SYNE2: variants seen among roughly 807,000 people sequenced by gnomAD.
SYNE2 encodes nesprin-2.
A neutral mutation model predicts 856.3 loss-of-function variants in SYNE2; 431 were observed. The observed-to-expected ratio is 0.50, with a 90% CI of 0.47 to 0.55. The LOEUF is 0.55. Among genes scored for constraint, SYNE2 ranks in the 20% least tolerant of loss-of-function variants. SYNE2 has a pLI of 0.00. For synonymous variants in SYNE2, 2,923 were observed against 2,872.3 expected (o/e 1.02, Z -0.56); for missense variants, 8,129 against 8,023.2 (o/e 1.01, Z -0.50).
intron 95 of SYNE2, 54 bp from the exon 96 acceptor site, chr14:64,177,304 C>T: frequency 6.2e-7 from 1 of 1,604,486 alleles, no homozygotes; most frequent in Non-Finnish European, 8.5e-7. Context: ...TCTATTTCTA[C>T]AATTCATTCT....
At position 64,219,285 on chromosome 14, in the gene SYNE2, C is replaced by G. The variant is rs2098683054; in HGVS notation, c.19735C>G (p.Leu6579Val). 2.5e-6 allele frequency: 4 copies of G among 1,613,840 alleles called. No individual in the cohort carries two copies. The highest frequency in any genetic ancestry group is 8.5e-7 in the Non-Finnish European group (1 of 1,180,020). Reference sequence around the variant, plus strand: ...CAAAATAAAACAAAATTTGCAACAGCTGAACTCTGATATCAGCGCCATCAC... The same window carrying G: ...CAAAATAAAACAAAATTTGCAACAGGTGAACTCTGATATCAGCGCCATCAC... ...KLKIKQNLQQ[L>V]NSDISAITTW... Residue 6579 changes from leucine (L) to valine (V), a missense_variant, in exon 110 of 116, where the codon CTG (leucine) becomes GTG (valine). Physicochemically the swap from Leu to Val is conservative, Grantham distance 32. Coordinates refer to ENST00000555002, the MANE Select transcript of SYNE2 (RefSeq NM_182914.3).
chr14:63,937,274 G>A (rs1192544881), intron 2 of SYNE2, among the ~76,000 whole-genome samples: 1 of 152,186 alleles, frequency 6.6e-6, no homozygotes, highest in African/African-American at 2.4e-5. Flanking sequence ...GCAGACAAAT[G>A]AAGCGATGGC....
At chr14:63,826,963 G>A (rs1157989084) in intron 1 of SYNE2, among the ~76,000 whole-genome samples, 1 of 152,078 alleles carries the variant, frequency 6.6e-6, no homozygotes, top group African/African-American at 2.4e-5. Context: ...CCTGATAAAT[G>A]TTTAGTATCC....
upstream of SYNE2, among the ~76,000 whole-genome samples, chr14:63,849,868 C>T (rs946036526): frequency 1.1e-4 from 16 of 152,214 alleles, no homozygotes; most frequent in Middle Eastern, 3.4e-3. Context: ...CAAGTATATG[C>T]GGAATGTCTA....
intron 8 of SYNE2, among the ~76,000 whole-genome samples, chr14:63,955,940 A>G (rs2096236617): frequency 6.6e-6 from 1 of 152,218 alleles, no homozygotes; most frequent in Non-Finnish European, 1.5e-5. Context: ...AATAAGAGGT[A>G]TATCAGAACT....
At chr14:64,161,843 C>T (rs1399077007) in intron 87 of SYNE2, among the ~76,000 whole-genome samples, 1 of 151,664 alleles carries the variant, frequency 6.6e-6, no homozygotes, top group African/African-American at 2.4e-5. Context: ...GCCAATCATA[C>T]ATTTTGTAGT....
rs1015343491 is a variant in SYNE2 at position 64,128,538 on chromosome 14, T to A, written c.14004T>A (p.Val4668=). ...QSLNEISGQS[V]AEQLQKADAY... Reference sequence around the variant, plus strand: ...TGAATGAAATCAGTGGGCAGAGTGTTGCTGAACAGCTTCAGGTAATCAAGT... The same window carrying A: ...TGAATGAAATCAGTGGGCAGAGTGTAGCTGAACAGCTTCAGGTAATCAAGT... The change falls in exon 74 of 116, where the codon GTT becomes GTA. Residue 4668 remains valine (V), a synonymous_variant. Coordinates refer to ENST00000555002, the MANE Select transcript of SYNE2 (RefSeq NM_182914.3). 6.2e-7 allele frequency: 1 copy of A among 1,605,848 alleles called. No homozygotes were observed. Among genetic ancestry groups the A allele is most frequent in the Admixed American group, 1.7e-5 (1 of 60,022 alleles).
chr14:63,798,358 T>C (rs148192575), intron 1 of SYNE2, among the ~76,000 whole-genome samples: 52 of 152,002 alleles, frequency 3.4e-4, no homozygotes, highest in African/African-American at 1.2e-3. Flanking sequence ...CTTTCTTGCA[T>C]ACGTCTTATC....
At chr14:64,100,526 AAAAAAATAT>A (rs2097714681) in intron 63 of SYNE2, among the ~76,000 whole-genome samples, 1 of 76,330 alleles carries the variant, frequency 1.3e-5, no homozygotes, top group Non-Finnish European at 2.3e-5. Flanking sequence ...AAAAAAAAAA[AAAAAAATAT>A]ATATATATAT....
Position 64,215,256 on chromosome 14 carries a change from A to G in SYNE2, c.19334-30A>G, listed in dbSNP as rs756633478. On this transcript the variant is annotated intron_variant, in intron 106 of 115. Coordinates refer to ENST00000555002, the MANE Select transcript of SYNE2 (RefSeq NM_182914.3). Reference sequence around the variant, plus strand: ...TGGGCATTAATCTTCAGGCACCTCCAGTGAGGCAAATGACATTGTTCTTTT... The same window carrying G: ...TGGGCATTAATCTTCAGGCACCTCCGGTGAGGCAAATGACATTGTTCTTTT... The G allele has an allele frequency of 7.5e-6, 12 of 1,608,264 alleles. No individual in the cohort carries two copies. The African/African-American group carries it at 1.5e-4, about 20-fold the overall frequency.
intron 59 of SYNE2, among the ~76,000 whole-genome samples, chr14:64,090,333 A>T (rs2097599708): frequency 6.6e-6 from 1 of 152,212 alleles, no homozygotes. Context: ...ATTATATGAG[A>T]TATGACTTAG....
rs374359856 is a variant in SYNE2 at position 64,125,816 on chromosome 14, A to G, written c.13555-511A>G. ...ATACACCTAAGCCTTGATTCTCACA[A>G]TCGGCTCATAAATGACACTTTCCCC... On this transcript the variant is annotated intron_variant, in intron 71 of 115. Coordinates refer to ENST00000555002, the MANE Select transcript of SYNE2 (RefSeq NM_182914.3). 1.8e-4 allele frequency among the ~76,000 whole-genome samples: 28 copies of G among 152,226 alleles called. 1 individual carries two copies. Among genetic ancestry groups the G allele is most frequent in the Middle Eastern group, 3.4e-3 (1 of 294 alleles).
rs187302642 is a variant in SYNE2, at chr14:64,199,990, C to T, written c.18039-2811C>T. Reference sequence around the variant, plus strand: ...AATTATTCCCCCACCTTCTCCATACCCCCTCTGCGTGTTGCACACCTAACC... The same window carrying T: ...AATTATTCCCCCACCTTCTCCATACTCCCTCTGCGTGTTGCACACCTAACC... On this transcript the variant is annotated intron_variant, in intron 99 of 115. Coordinates refer to ENST00000555002, the MANE Select transcript of SYNE2 (RefSeq NM_182914.3). 3.2e-3 allele frequency among the ~76,000 whole-genome samples: 488 copies of T among 151,916 alleles called. 12 individuals are homozygous for T. Among genetic ancestry groups the T allele is most frequent in the Non-Finnish European group, 1.1e-3 (76 of 67,950 alleles).
intron 1 of SYNE2, among the ~76,000 whole-genome samples, chr14:63,885,562 C>T (rs916574644): frequency 3.3e-5 from 5 of 152,162 alleles, no homozygotes; most frequent in African/African-American, 1.2e-4. Context: ...CCATTTAACT[C>T]CCAAATGGCC....
At chr14:63,899,460 C>T (rs1464263775) in intron 1 of SYNE2, among the ~76,000 whole-genome samples, 4 of 152,126 alleles carry the variant, frequency 2.6e-5, no homozygotes, top group Non-Finnish European at 5.9e-5. Flanking sequence ...CCTTGGCCTC[C>T]CAAAGTGCTG....
intron 1 of SYNE2, among the ~76,000 whole-genome samples, chr14:63,768,640 AG>A (rs1402411893): frequency 1.3e-5 from 2 of 152,324 alleles, no homozygotes; most frequent in Non-Finnish European, 2.9e-5. Flanking sequence ...GCCAGGACAA[AG>A]AAAGAAGCAG....
At chr14:63,916,465 T>A (rs574302163) in intron 2 of SYNE2, among the ~76,000 whole-genome samples, 1 of 152,228 alleles carries the variant, frequency 6.6e-6, no homozygotes, top group Non-Finnish European at 1.5e-5. Context: ...TAGGTACATA[T>A]GATATTCCTG....
chr14:64,112,017 A>G (rs1330503254), intron 65 of SYNE2, among the ~76,000 whole-genome samples: 1 of 152,190 alleles, frequency 6.6e-6, no homozygotes, highest in East Asian at 1.9e-4. Flanking sequence ...AAGATAATAG[A>G]TGGTGAAAGG....
At chr14:63,969,967 C>T (rs558495442) in intron 11 of SYNE2, among the ~76,000 whole-genome samples, 1 of 152,240 alleles carries the variant, frequency 6.6e-6, no homozygotes, top group East Asian at 1.9e-4. Context: ...GGACTTCTAC[C>T]ATTATGAAAT....
Sources: gnomAD v4.1 joint callset for allele counts (sites outside exome capture counted in the v4.1 genomes callset) on GRCh38, gnomAD v4.1.1 for gene constraint, MANE v1.5 for transcripts, NCBI Gene and HGNC (gene_info 2026-07-23, HGNC 2026-07-21) for gene names.